Variants in JADE1 observed in about 807,000 individuals in gnomAD.
JADE1 encodes the protein protein Jade-1.
JADE1 carries 14 observed loss-of-function variants against 81.8 expected under a neutral mutation model. The ratio of observed to expected loss-of-function variants is 0.17; its 90% CI spans 0.11 to 0.27. The LOEUF is 0.27. JADE1 is among the 10% of genes least tolerant of loss of function. JADE1 has a pLI of 1.00. For missense variants in JADE1, 690 were observed against 1,047.9 expected (o/e 0.66, Z 4.71); for synonymous variants, 353 against 391.9 (o/e 0.90, Z 1.17).
intron 5 of JADE1, among the ~76,000 whole-genome samples, chr4:128,849,623 G>C (rs1310668810): frequency 6.6e-6 from 1 of 152,154 alleles, no homozygotes; most frequent in Non-Finnish European, 1.5e-5. Context: ...GTTTTAACTT[G>C]AGCGATTTTC....
chr4:128,833,572 G>C (rs1402540193), intron 2 of JADE1, among the ~76,000 whole-genome samples: 1 of 152,154 alleles, frequency 6.6e-6, no homozygotes, highest in Non-Finnish European at 1.5e-5. Flanking sequence ...GTGTGTGCCT[G>C]TAGTCCAGCT....
intron 1 of JADE1, among the ~76,000 whole-genome samples, chr4:128,815,124 C>CCTGTAAGCTCCGCCTCT (rs1726891613): frequency 7.0e-6 from 1 of 143,852 alleles, no homozygotes; most frequent in Non-Finnish European, 1.5e-5. Context: ...ATCTCGGCTC[C>CCTGTAAGCTCCGCCTCT]CTGTAAGCTC....
In JADE1 at chr4:128,846,010, G is replaced by GCAC. The variant is rs1407745087; in HGVS notation, c.139-363_139-361dup. 6.6e-6 allele frequency among the ~76,000 whole-genome samples: 1 copy of GCAC among 152,120 alleles called. No individual in the cohort carries two copies. The highest frequency in any genetic ancestry group is 1.5e-5 in the Non-Finnish European group (1 of 68,022). On this transcript the variant is annotated intron_variant, in intron 3 of 10. Coordinates refer to ENST00000226319, the MANE Select transcript of JADE1 (RefSeq NM_199320.4). The surrounding 1 kb of genome is among the most constrained non-coding windows in gnomAD (Gnocchi z 4.0). The stretch of plus-strand genomic sequence containing the variant: ...TGGTTAGTGGAGTTATATTTCTAGA[G>GCAC]CACCCTTGAGTGCAGTATCTCCCTT...
intron 1 of JADE1, among the ~76,000 whole-genome samples, chr4:128,823,492 T>C (rs187147326): frequency 2.0e-4 from 30 of 152,334 alleles, no homozygotes; most frequent in African/African-American, 7.2e-4. Flanking sequence ...TGGTCAGTTA[T>C]CATAATTTTT....
At chr4:128,838,478 A>T (rs2125840561) in intron 2 of JADE1, among the ~76,000 whole-genome samples, 2 of 152,344 alleles carry the variant, frequency 1.3e-5, no homozygotes, top group Admixed American at 1.3e-4. Context: ...TTTACTCGTC[A>T]TGTGCTTAAA....
chr4:128,818,400 C>T (rs901849626), intron 1 of JADE1, among the ~76,000 whole-genome samples: 4 of 152,240 alleles, frequency 2.6e-5, no homozygotes, highest in South Asian at 4.1e-4. Context: ...GGATTAGAAA[C>T]GTGAGCCACC....
chr4:128,855,543 C>CT (rs1730722404), intron 6 of JADE1, 87 bp from the exon 7 acceptor site: 1 of 1,313,476 alleles, frequency 7.6e-7, no homozygotes, highest in African/African-American at 1.5e-5. Flanking sequence ...TAAAATCTTT[C>CT]TAAGTGTTTA....
chr4:128,824,714 C>T (rs1419516897), intron 1 of JADE1, among the ~76,000 whole-genome samples: 1 of 152,120 alleles, frequency 6.6e-6, no homozygotes, highest in Non-Finnish European at 1.5e-5. Flanking sequence ...CATAGTATTG[C>T]ATTGGGTGAT....
At chr4:128,855,531 G>C in intron 6 of JADE1, 99 bp from the exon 7 acceptor site, 1 of 1,257,768 alleles carries the variant, frequency 8.0e-7, no homozygotes, top group Non-Finnish European at 1.1e-6. Context: ...TGGTAGTTCT[G>C]TTAAAATCTT....
At chr4:128,857,497 T>G (rs754682719) in intron 8 of JADE1, 43 bp downstream of exon 8, 1 of 1,441,864 alleles carries the variant, frequency 6.9e-7, no homozygotes, top group Non-Finnish European at 9.8e-7. Flanking sequence ...CTTTCCTGCG[T>G]GGTGGGGAGC....
rs1729062814 is a variant in JADE1, at chr4:128,837,299, G to C, written c.52+5489G>C. Reference sequence around the variant, plus strand: ...ATTGAAAATTAGTAATTTTCCCACTGACTTGTACTTGGACCTCAGCAGAAA... The same window carrying C: ...ATTGAAAATTAGTAATTTTCCCACTCACTTGTACTTGGACCTCAGCAGAAA... On this transcript the variant is annotated intron_variant, in intron 2 of 10. Transcript: ENST00000226319. Among the ~76,000 whole-genome samples the C allele has an allele frequency of 4.6e-5, 7 of 152,294 alleles. No homozygotes were observed. In the South Asian group the frequency reaches 1.5e-3, roughly 32 times the overall value.
At chr4:128,843,462 G>T (rs1052088403) in intron 3 of JADE1, among the ~76,000 whole-genome samples, 5 of 152,182 alleles carry the variant, frequency 3.3e-5, no homozygotes, top group Non-Finnish European at 7.3e-5. Flanking sequence ...TTGGCAACAA[G>T]CAAAACTCTG....
intron 2 of JADE1, among the ~76,000 whole-genome samples, chr4:128,835,412 A>G (rs991866280): frequency 1.7e-4 from 26 of 152,158 alleles, no homozygotes; most frequent in African/African-American, 6.0e-4. Flanking sequence ...ACCCCTTTCC[A>G]TCCCCTCTGA....
At chr4:128,819,277 G>T (rs1412797373) in intron 1 of JADE1, among the ~76,000 whole-genome samples, 3 of 151,294 alleles carry the variant, frequency 2.0e-5, no homozygotes, top group African/African-American at 7.3e-5. Flanking sequence ...TGCAATGGTG[G>T]TTTTTTTTTT....
In JADE1 at chr4:128,844,813, G is replaced by A. The variant is rs143947247; in HGVS notation, c.139-1562G>A. Among the ~76,000 whole-genome samples, 315 of 152,230 alleles carry A rather than the reference G, an allele frequency of 2.1e-3. 1 individual carries two copies. Among genetic ancestry groups the A allele is most frequent in the Middle Eastern group, 3.4e-3 (1 of 294 alleles). ...AGAGTGGCATACTGGGGAATAGTCC[G>A]TATGGAAAATGACAGGCAGGAGAAA... On this transcript the variant is annotated intron_variant, in intron 3 of 10. Coordinates refer to ENST00000226319, the MANE Select transcript of JADE1 (RefSeq NM_199320.4).
intron 1 of JADE1, among the ~76,000 whole-genome samples, chr4:128,828,140 C>G (rs1579125599): frequency 1.3e-5 from 2 of 152,196 alleles, no homozygotes; most frequent in Admixed American, 1.3e-4. Flanking sequence ...AATTTTCATC[C>G]AGCACCTCCT....
At chr4:128,857,824 G>A (rs1388717518) in intron 8 of JADE1, among the ~76,000 whole-genome samples, 1 of 152,140 alleles carries the variant, frequency 6.6e-6, no homozygotes, top group Non-Finnish European at 1.5e-5. Flanking sequence ...TTGAGAGTTG[G>A]CCACCCTCCC....
Position 128,852,074 on chromosome 4 carries a change from G to C in JADE1, c.502G>C (p.Glu168Gln), listed in dbSNP as rs1421561185. ...FKEMGMPELD[E>Q]YTMERVLEEF... ...AACTTCAGGAATGCCTGAACTAGAT[G>C]AATACACCATGGAGAGGGTCCTAGA... The change falls in exon 6 of 11, where the codon GAA becomes CAA. Residue 168 changes from glutamate (E) to glutamine (Q), a missense_variant. Transcript: ENST00000226319. The C allele has an allele frequency of 6.2e-7, 1 of 1,613,772 alleles. No individual in the cohort carries two copies. Among genetic ancestry groups the C allele is most frequent in the Admixed American group, 1.7e-5 (1 of 60,022 alleles).
At position 128,874,315 on chromosome 4, in the gene JADE1, AAATT is replaced by A. The variant is rs1389589096; in HGVS notation, c.*2057_*2060del. On this transcript the variant is annotated 3_prime_UTR_variant, in exon 11 of 11. Coordinates refer to ENST00000226319, the MANE Select transcript of JADE1 (RefSeq NM_199320.4). ...TTGTCAAGCCATAGAAAGAAAATCT[AAATT>A]AATCTAGTAAGTGTATGACCTCTCA... 2.6e-5 allele frequency: 4 copies of A among 152,732 alleles called. No individual in the cohort carries two copies. Among genetic ancestry groups the A allele is most frequent in the African/African-American group, 4.8e-5 (2 of 41,556 alleles). The allele number at this position is 152,732 out of a possible 1,614,324, so 9.5% of individuals were successfully genotyped here.
Sources: gnomAD v4.1 joint callset for allele counts (sites outside exome capture counted in the v4.1 genomes callset) on GRCh38, gnomAD v4.1.1 for gene constraint, Gnocchi (gnomAD v3.1) non-coding constraint, MANE v1.5 for transcripts, NCBI Gene and HGNC (gene_info 2026-07-23, HGNC 2026-07-21) for gene names.